The following NEURL1 variants were observed in gnomAD, a reference collection of about 807,000 sequenced individuals.
NEURL1 encodes the protein E3 ubiquitin-protein ligase NEURL1.
NEURL1 carries 26 observed loss-of-function variants against 41.2 expected under a neutral mutation model. The ratio of observed to expected loss-of-function variants is 0.63; its 90% CI spans 0.46 to 0.87. The LOEUF (loss-of-function observed/expected upper bound fraction) is 0.87. NEURL1 is among the 40% of genes least tolerant of loss of function. NEURL1 has a pLI of 0.00. For synonymous variants in NEURL1, 400 were observed against 402.3 expected, an observed-to-expected ratio of 0.99 and a Z score of 0.07; for missense variants, 761 against 871.1, an observed-to-expected ratio of 0.87 and a Z score of 1.59.
At chr10:103,515,848 A>T (rs2034192739) in intron 1 of NEURL1, among the ~76,000 whole-genome samples, 1 of 152,162 alleles carries the variant, frequency 6.6e-6, no homozygotes, top group Non-Finnish European at 1.5e-5. Flanking sequence ...TTATGAAGGA[A>T]GTGAAGTTGT....
At chr10:103,538,399 C>T (rs933090031) in intron 1 of NEURL1, among the ~76,000 whole-genome samples, 3 of 151,974 alleles carry the variant, frequency 2.0e-5, no homozygotes, top group South Asian at 2.1e-4. Flanking sequence ...GGTGAAACCC[C>T]GTTTCTACTA....
intron 1 of NEURL1, among the ~76,000 whole-genome samples, chr10:103,536,049 C>T (rs2034685463): frequency 6.6e-6 from 1 of 152,110 alleles, no homozygotes; most frequent in Admixed American, 6.6e-5. Context: ...GCAGGGACTC[C>T]AGTGGTGAGG....
chr10:103,519,097 A>C (rs949872845), intron 1 of NEURL1, among the ~76,000 whole-genome samples: 4 of 152,064 alleles, frequency 2.6e-5, no homozygotes, highest in African/African-American at 7.2e-5. Flanking sequence ...ACACAAAAAA[A>C]TTAGCTGGGC....
intron 1 of NEURL1, among the ~76,000 whole-genome samples, chr10:103,565,578 G>T (rs1318607158): frequency 6.6e-6 from 1 of 152,234 alleles, no homozygotes; most frequent in Non-Finnish European, 1.5e-5. Context: ...GGGTGCCGTG[G>T]TGGTGAGAAA....
chr10:103,548,559 G>C (rs561056646), intron 1 of NEURL1, among the ~76,000 whole-genome samples: 1 of 151,010 alleles, frequency 6.6e-6, no homozygotes, highest in African/African-American at 2.4e-5. Flanking sequence ...CTGACCTCAG[G>C]TGATCTGCCC....
intron 1 of NEURL1, among the ~76,000 whole-genome samples, chr10:103,528,052 A>T (rs7080969): frequency 0.49 from 73,922 of 151,726 alleles, 18,796 homozygotes; most frequent in African/African-American, 0.62. Context: ...AAACCCTGTC[A>T]CTAGTAAAAA....
intron 1 of NEURL1, among the ~76,000 whole-genome samples, chr10:103,559,845 C>T (rs902992): frequency 0.4 from 56,997 of 144,024 alleles, 11,999 homozygotes; most frequent in East Asian, 0.7. Context: ...CACATATGTG[C>T]GCACACACAC....
intron 1 of NEURL1, among the ~76,000 whole-genome samples, chr10:103,536,173 G>C (rs1047028253): frequency 1.3e-5 from 2 of 152,122 alleles, no homozygotes; most frequent in Non-Finnish European, 2.9e-5. Flanking sequence ...ATTTTCTTCT[G>C]TTCTCTGTGT....
chr10:103,534,905 G>T (rs1355323045), intron 1 of NEURL1, among the ~76,000 whole-genome samples: 4 of 152,184 alleles, frequency 2.6e-5, no homozygotes, highest in African/African-American at 7.2e-5. Flanking sequence ...TATCAGCTCA[G>T]CCCCATAGGC....
intron 3 of NEURL1, among the ~76,000 whole-genome samples, chr10:103,576,763 C>T (rs2035675434): frequency 6.6e-6 from 1 of 152,138 alleles, no homozygotes; most frequent in Non-Finnish European, 1.5e-5. Context: ...CTATTCCATC[C>T]CTTGCCATGC....
At chr10:103,561,949 G>A (rs2035302369) in intron 1 of NEURL1, among the ~76,000 whole-genome samples, 1 of 152,210 alleles carries the variant, frequency 6.6e-6, no homozygotes, top group East Asian at 1.9e-4. Flanking sequence ...ACACCAGAAA[G>A]GGCAAGGCAC....
intron 1 of NEURL1, among the ~76,000 whole-genome samples, chr10:103,519,202 G>A (rs888544775): frequency 3.9e-5 from 6 of 152,044 alleles, no homozygotes; most frequent in African/African-American, 7.2e-5. Flanking sequence ...AGCCGAGATC[G>A]TGCCATCACA....
intron 1 of NEURL1, among the ~76,000 whole-genome samples, chr10:103,559,357 C>A (rs770338425): frequency 2.0e-5 from 3 of 152,128 alleles, no homozygotes; most frequent in Admixed American, 6.5e-5. Context: ...CTCAGCCTGG[C>A]GCCTGGCACA....
Position 103,540,830 on chromosome 10 carries a change from C to T in NEURL1, c.86-30042C>T, listed in dbSNP as rs144919240. On this transcript the variant is annotated intron_variant, in intron 1 of 5. Transcript: ENST00000369780. The stretch of plus-strand genomic sequence containing the variant: ...CGAGGGAGCCTTTGTCATTGAGGAA[C>T]GTCTGTGGAAAGGGGTGGAATTGGT... Among the ~76,000 whole-genome samples the T allele has an allele frequency of 2.0e-3, 303 of 152,238 alleles. 1 individual carries two copies. The highest frequency in any genetic ancestry group is 6.8e-3 in the Middle Eastern group (2 of 294).
At chr10:103,552,821 A>G (rs1334007388) in intron 1 of NEURL1, among the ~76,000 whole-genome samples, 4 of 151,468 alleles carry the variant, frequency 2.6e-5, no homozygotes, top group African/African-American at 7.4e-5. Context: ...CTCTCTCTGT[A>G]TAGGACCGAG....
chr10:103,590,049 A>G, intron 5 of NEURL1, 85 bp from the exon 6 acceptor site: 1 of 1,302,522 alleles, frequency 7.7e-7, no homozygotes, highest in Non-Finnish European at 1.1e-6. Context: ...GGAGGGGGAC[A>G]CAAGAGGCCG....
chr10:103,582,059 C>G (rs1000664709), intron 3 of NEURL1, among the ~76,000 whole-genome samples: 1 of 152,140 alleles, frequency 6.6e-6, no homozygotes, highest in East Asian at 1.9e-4. Flanking sequence ...TTCTGAGGGT[C>G]TGCCCAGCCC....
At chr10:103,563,882 C>A (rs146347342) in intron 1 of NEURL1, among the ~76,000 whole-genome samples, 2 of 152,362 alleles carry the variant, frequency 1.3e-5, no homozygotes, top group Non-Finnish European at 2.9e-5. Flanking sequence ...GTAAACCTAA[C>A]TTCAGAGGAT....
intron 1 of NEURL1, among the ~76,000 whole-genome samples, chr10:103,504,065 C>A (rs2033892274): frequency 6.6e-6 from 1 of 152,074 alleles, no homozygotes; most frequent in East Asian, 1.9e-4. Context: ...GCCATCTCAG[C>A]TCACTGCAAC....
Sources: gnomAD v4.1 joint callset for allele counts (sites outside exome capture counted in the v4.1 genomes callset) on GRCh38, gnomAD v4.1.1 for gene constraint, MANE v1.5 for transcripts, NCBI Gene and HGNC (gene_info 2026-07-23, HGNC 2026-07-21) for gene names.